EIF4G3: variants seen among roughly 807,000 people sequenced by gnomAD.
EIF4G3 encodes the protein eIF-4-gamma 3.
A neutral mutation model predicts 186.4 loss-of-function variants in EIF4G3; 34 were observed. The observed-to-expected ratio is 0.18, with a 90% confidence interval of 0.14 to 0.24. EIF4G3 has a LOEUF of 0.24. Ranked by LOEUF, EIF4G3 falls within the 10% of genes least tolerant of loss-of-function variation. The pLI is 1.00. For missense variants in EIF4G3, 1,536 were observed against 1,948.5 expected (o/e 0.79, Z 3.99); for synonymous variants, 673 against 679.5 (o/e 0.99, Z 0.15).
At chr1:20,908,008 C>G (rs1192279955) in intron 14 of EIF4G3, among the ~76,000 whole-genome samples, 1 of 151,582 alleles carries the variant, frequency 6.6e-6, no homozygotes, top group African/African-American at 2.4e-5. Context: ...ACAGTCCCAC[C>G]AACAGTGTAA....
At chr1:21,154,789 C>G (rs1573460184) in intron 2 of EIF4G3, among the ~76,000 whole-genome samples, 1 of 152,268 alleles carries the variant, frequency 6.6e-6, no homozygotes, top group Non-Finnish European at 1.5e-5. Flanking sequence ...ATCTATATAT[C>G]TCTTTAGCAG....
Position 20,903,361 on chromosome 1 carries a change from T to C in EIF4G3, c.1752+1522A>G, listed in dbSNP as rs59503794. Among the ~76,000 whole-genome samples the C allele has an allele frequency of 5.1e-3, 783 of 152,236 alleles. 7 individuals are homozygous for C. Among genetic ancestry groups the C allele is most frequent in the African/African-American group, 0.018 (752 of 41,532 alleles). On this transcript the variant is annotated intron_variant, in intron 15 of 36. Transcript: ENST00000602326. ...GATTAGGATGAATATTTGAAGGCAA[T>C]GGAGGAGTGGCCTATATAATATTCA...
At chr1:20,977,023 T>TTTA (rs1452450497) in intron 10 of EIF4G3, among the ~76,000 whole-genome samples, 1 of 151,956 alleles carries the variant, frequency 6.6e-6, no homozygotes, top group African/African-American at 2.4e-5. Flanking sequence ...ACCAGGAAGT[T>TTTA]TTATTATTTA....
At chr1:20,907,104 AG>A (rs1013713514) in intron 14 of EIF4G3, among the ~76,000 whole-genome samples, 12 of 152,310 alleles carry the variant, frequency 7.9e-5, no homozygotes, top group African/African-American at 2.9e-4. Context: ...TTCATTGCAC[AG>A]GGAGGGCACT....
intron 3 of EIF4G3, among the ~76,000 whole-genome samples, chr1:21,069,990 T>A (rs1244417822): frequency 2.0e-5 from 3 of 152,336 alleles, no homozygotes; most frequent in East Asian, 3.9e-4. Flanking sequence ...CAGTCAAAGA[T>A]GATCTTTCAA....
In EIF4G3 at chr1:20,997,585, G is replaced by C. The variant is rs751838192; in HGVS notation, c.177+16C>G. On this transcript the variant is annotated intron_variant, in intron 7 of 36. Coordinates refer to ENST00000602326, the MANE Select transcript of EIF4G3 (RefSeq NM_001391906.1). Reference sequence around the variant, plus strand: ...TATTAGTTAAGGGTGATAGTGAAGGGGCAAGGGTACAGTACCTGATGATGG... The same window carrying C: ...TATTAGTTAAGGGTGATAGTGAAGGCGCAAGGGTACAGTACCTGATGATGG... The C allele has an allele frequency of 1.3e-6, 2 of 1,550,126 alleles. No homozygotes were observed. The highest frequency in any genetic ancestry group is 2.4e-5 in the East Asian group (1 of 40,900).
At chr1:21,157,339 G>A (rs949097844) in intron 2 of EIF4G3, among the ~76,000 whole-genome samples, 1 of 151,822 alleles carries the variant, frequency 6.6e-6, no homozygotes, top group African/African-American at 2.4e-5. Flanking sequence ...ACCTCCATTT[G>A]AGAGTACTGT....
chr1:20,903,255 G>C (rs530662823), intron 15 of EIF4G3, among the ~76,000 whole-genome samples: 1 of 152,152 alleles, frequency 6.6e-6, no homozygotes, highest in African/African-American at 2.4e-5. Flanking sequence ...AGCTACAGCG[G>C]CAAATTTGAG....
intron 2 of EIF4G3, among the ~76,000 whole-genome samples, chr1:21,126,347 T>A (rs184154798): frequency 1.3e-5 from 2 of 152,100 alleles, no homozygotes; most frequent in Non-Finnish European, 2.9e-5. Flanking sequence ...ACATTGAATT[T>A]ATATAAAGTA....
intron 34 of EIF4G3, among the ~76,000 whole-genome samples, chr1:20,814,521 G>A (rs34814692): frequency 0.028 from 4,258 of 152,058 alleles, 93 homozygotes; most frequent in Middle Eastern, 0.051. Context: ...CTCAATCTAT[G>A]AAAGAACAAC....
rs561922921 is a variant in EIF4G3 at position 20,970,049 on chromosome 1, C to T, written c.592-453G>A. On this transcript the variant is annotated intron_variant, in intron 11 of 36. Coordinates refer to ENST00000602326, the MANE Select transcript of EIF4G3 (RefSeq NM_001391906.1). Reference sequence around the variant, plus strand: ...CGCAATCTCGGCTCACTGCAATCTCCGCCACCCAGGTTCAAGCGATTCTCG... The same window carrying T: ...CGCAATCTCGGCTCACTGCAATCTCTGCCACCCAGGTTCAAGCGATTCTCG... Among the ~76,000 whole-genome samples, 11 of 152,062 alleles carry T rather than the reference C, an allele frequency of 7.2e-5. No individual in the cohort carries two copies. The East Asian group carries it at 1.7e-3, about 24-fold the overall frequency.
chr1:21,011,121 A>G (rs2086916586), intron 4 of EIF4G3, among the ~76,000 whole-genome samples: 1 of 152,076 alleles, frequency 6.6e-6, no homozygotes, highest in South Asian at 2.1e-4. Context: ...TCACTAAGTA[A>G]ATCTTACATA....
At chr1:21,103,783 G>T (rs2096567884) in intron 2 of EIF4G3, among the ~76,000 whole-genome samples, 1 of 152,240 alleles carries the variant, frequency 6.6e-6, no homozygotes, top group East Asian at 1.9e-4. Context: ...GGCAGCGGTT[G>T]CAGTGAGCCA....
At chr1:21,035,596 C>T (rs1052155783) in intron 4 of EIF4G3, among the ~76,000 whole-genome samples, 4 of 152,250 alleles carry the variant, frequency 2.6e-5, no homozygotes, top group East Asian at 1.9e-4. Flanking sequence ...AGCACTGACC[C>T]GCTGGGTCCC....
At chr1:20,933,817 T>C (rs1573072223) in intron 14 of EIF4G3, among the ~76,000 whole-genome samples, 1 of 152,214 alleles carries the variant, frequency 6.6e-6, no homozygotes, top group East Asian at 1.9e-4. Flanking sequence ...GAGGAATAGG[T>C]GACTGGTTTA....
At chr1:21,097,978 T>G (rs773318627) in intron 2 of EIF4G3, among the ~76,000 whole-genome samples, 12 of 152,106 alleles carry the variant, frequency 7.9e-5, no homozygotes, top group African/African-American at 4.8e-5. Context: ...CAGTGGCTCA[T>G]GCCTGTAATC....
At chr1:20,967,192 C>T (rs1042810031) in intron 12 of EIF4G3, among the ~76,000 whole-genome samples, 2 of 152,314 alleles carry the variant, frequency 1.3e-5, no homozygotes, top group East Asian at 3.9e-4. Flanking sequence ...GAAAACCAAT[C>T]ACACCCCACA....
chr1:21,117,192 T>A (rs944289444), intron 2 of EIF4G3, among the ~76,000 whole-genome samples: 1 of 152,154 alleles, frequency 6.6e-6, no homozygotes, highest in African/African-American at 2.4e-5. Context: ...AAAGGCATTT[T>A]TGAATTATCC....
chr1:20,917,749 C>T (rs2094046135), intron 14 of EIF4G3, among the ~76,000 whole-genome samples: 1 of 152,036 alleles, frequency 6.6e-6, no homozygotes, highest in African/African-American at 2.4e-5. Context: ...TTTATGTGTA[C>T]ATTAACCTTA....
Sources: gnomAD v4.1 joint callset for allele counts (sites outside exome capture counted in the v4.1 genomes callset) on GRCh38, gnomAD v4.1.1 for gene constraint, MANE v1.5 for transcripts, NCBI Gene and HGNC (gene_info 2026-07-23, HGNC 2026-07-21) for gene names.